The following GLIS3 variants were observed in gnomAD, a reference collection of about 807,000 sequenced individuals.
GLIS3 encodes GLIS family zinc finger 3, also known as zinc finger protein GLIS3.
Under a neutral mutation model 78.6 loss-of-function variants are expected in GLIS3, and 53 were observed. The ratio of observed to expected loss-of-function variants is 0.67; its 90% CI spans 0.54 to 0.85. The LOEUF (loss-of-function observed/expected upper bound fraction) is 0.85. GLIS3 is among the 40% of genes least tolerant of loss of function. The probability of loss-of-function intolerance (pLI) is 0.00; values close to 1 mark genes in which losing one functional copy is unlikely to be tolerated. For missense variants in GLIS3, 1,703 were observed against 1,231.1 expected, an observed-to-expected ratio of 1.38 and a Z score of -5.74; for synonymous variants, 684 against 509.9, an observed-to-expected ratio of 1.34 and a Z score of -4.60.
chr9:3,828,026 C>T lies in GLIS3; in HGVS notation c.*246G>A, dbSNP rs1817817499. 3.7e-6 allele frequency: 2 copies of T among 542,922 alleles called. No individual in the cohort carries two copies. Among genetic ancestry groups the T allele is most frequent in the Non-Finnish European group, 6.6e-6 (2 of 302,478 alleles). The allele number at this position is 542,922 out of a possible 1,614,324, so 33.6% of individuals were successfully genotyped here. A position where few individuals can be genotyped will look rare whatever the true frequency, so the allele number is the denominator to read the frequency against. On this transcript the variant is annotated 3_prime_UTR_variant, in exon 11 of 11. Transcript: ENST00000381971. ...ATCCAGGAGAGTGAGGCTCTAAATTCCCTTTGAAAAGACAGTCCTCCTGGT... is the reference window on the plus strand; with the variant it reads ...ATCCAGGAGAGTGAGGCTCTAAATTTCCTTTGAAAAGACAGTCCTCCTGGT...
intron 8 of GLIS3, among the ~76,000 whole-genome samples, chr9:3,857,426 C>T (rs1208059039): frequency 1.3e-5 from 2 of 152,102 alleles, no homozygotes; most frequent in Non-Finnish European, 2.9e-5. Context: ...ACATTCTGAA[C>T]CAGAATATTT....
chr9:4,282,540 A>G (rs1200314286), intron 2 of GLIS3, among the ~76,000 whole-genome samples: 1 of 152,060 alleles, frequency 6.6e-6, no homozygotes, highest in Non-Finnish European at 1.5e-5. Context: ...AAACTGAAAC[A>G]TCAGCTCTTC....
At chr9:4,186,258 T>C (rs941514244) in intron 2 of GLIS3, among the ~76,000 whole-genome samples, 6 of 151,830 alleles carry the variant, frequency 4.0e-5, no homozygotes, top group Admixed American at 3.3e-4. Context: ...GTTTGGCCTT[T>C]TGTCCTTGCG....
At chr9:4,338,609 C>A (rs543373540) in intron 2 of GLIS3, among the ~76,000 whole-genome samples, 5 of 152,180 alleles carry the variant, frequency 3.3e-5, no homozygotes, top group African/African-American at 9.7e-5. Context: ...ATCTAAAGGG[C>A]ATGTGACTTG....
chr9:4,255,396 C>A (rs528250173), intron 2 of GLIS3, among the ~76,000 whole-genome samples: 23 of 152,132 alleles, frequency 1.5e-4, no homozygotes, highest in African/African-American at 5.3e-4. Context: ...TAGGTCCACA[C>A]ACAAAAAAAA....
At chr9:4,094,517 T>A (rs1442280606) in intron 4 of GLIS3, among the ~76,000 whole-genome samples, 1 of 152,220 alleles carries the variant, frequency 6.6e-6, no homozygotes. Flanking sequence ...ATTAGTAACA[T>A]TTTACAATCC....
the GLIS3 span, among the ~76,000 whole-genome samples, chr9:4,382,351 G>A: frequency 6.6e-6 from 1 of 152,126 alleles, no homozygotes; most frequent in Non-Finnish European, 1.5e-5. Context: ...AACAGTATGT[G>A]TAGGGAATAA....
chr9:4,328,487 T>C (rs999186765), intron 2 of GLIS3, among the ~76,000 whole-genome samples: 3 of 152,202 alleles, frequency 2.0e-5, no homozygotes, highest in African/African-American at 7.2e-5. Flanking sequence ...ACAGGTAAAA[T>C]GTGGCTCTGC....
chr9:4,109,348 T>G (rs1249986263), intron 4 of GLIS3, among the ~76,000 whole-genome samples: 1 of 152,224 alleles, frequency 6.6e-6, no homozygotes, highest in Non-Finnish European at 1.5e-5. Context: ...TCTTAATCAT[T>G]CTACATAACT....
chr9:4,458,822 G>C, the GLIS3 span, among the ~76,000 whole-genome samples: 5 of 152,128 alleles, frequency 3.3e-5, no homozygotes, highest in African/African-American at 1.2e-4. Flanking sequence ...AAATGTCTGG[G>C]AGGAAGTAAT....
the GLIS3 span, among the ~76,000 whole-genome samples, chr9:4,422,021 T>C: frequency 6.6e-6 from 1 of 152,214 alleles, no homozygotes; most frequent in African/African-American, 2.4e-5. Context: ...TGTGCCTCTG[T>C]CACCAATAGA....
chr9:4,209,821 C>CA (rs1167878265), intron 2 of GLIS3, among the ~76,000 whole-genome samples: 1 of 149,764 alleles, frequency 6.7e-6, no homozygotes, highest in African/African-American at 2.4e-5. Context: ...TCCCGCCCCC[C>CA]CCCAGTTGTG....
intron 4 of GLIS3, among the ~76,000 whole-genome samples, chr9:4,096,858 A>G (rs1017432567): frequency 6.6e-6 from 1 of 152,160 alleles, no homozygotes; most frequent in African/African-American, 2.4e-5. Context: ...CTAAAAATAC[A>G]GAAATTAACC....
At chr9:3,932,211 CT>C (rs1340460609) in intron 6 of GLIS3, 148 bp downstream of exon 6, 2 of 655,168 alleles carry the variant, frequency 3.1e-6, no homozygotes, top group East Asian at 5.8e-5. Context: ...CTTGCTATTA[CT>C]TCATGGGAGA....
At chr9:4,039,146 G>C (rs1283052630) in intron 4 of GLIS3, among the ~76,000 whole-genome samples, 1 of 152,098 alleles carries the variant, frequency 6.6e-6, no homozygotes, top group Non-Finnish European at 1.5e-5. Context: ...TTCACACCTA[G>C]GGTGGTTCCA....
intron 2 of GLIS3, among the ~76,000 whole-genome samples, chr9:4,321,795 A>C (rs1348046061): frequency 2.6e-5 from 4 of 151,556 alleles, no homozygotes; most frequent in Non-Finnish European, 5.9e-5. Flanking sequence ...CACAGCCTCC[A>C]CCTCCCGGAT....
In GLIS3 at chr9:3,884,939, A is replaced by C. The variant is rs539042662; in HGVS notation, c.2129-5344T>G. ...TGTTTGCAAAGGCTGCTTGTTGCCAATAGCCACTAATCCCCCACCACAAAC... is the reference window on the plus strand; with the variant it reads ...TGTTTGCAAAGGCTGCTTGTTGCCACTAGCCACTAATCCCCCACCACAAAC... On this transcript the variant is annotated intron_variant, in intron 7 of 10. Transcript: ENST00000381971. Among the ~76,000 whole-genome samples, 3 of 152,296 alleles carry C rather than the reference A, an allele frequency of 2.0e-5. No homozygotes were observed. The South Asian group carries it at 6.2e-4, about 32-fold the overall frequency.
At chr9:3,891,982 C>T (rs1262849892) in intron 7 of GLIS3, among the ~76,000 whole-genome samples, 2 of 152,124 alleles carry the variant, frequency 1.3e-5, no homozygotes, top group Non-Finnish European at 2.9e-5. Flanking sequence ...TTTCTGCAGC[C>T]ACTCACTCCT....
At chr9:3,882,190 T>G (rs1483570121) in intron 7 of GLIS3, among the ~76,000 whole-genome samples, 1 of 151,538 alleles carries the variant, frequency 6.6e-6, no homozygotes, top group African/African-American at 2.4e-5. Flanking sequence ...CAGTTCATGT[T>G]CATTGAGTAA....
Sources: allele counts gnomAD v4.1 joint callset (sites outside exome capture counted in the v4.1 genomes callset), GRCh38; gene constraint gnomAD v4.1.1; transcripts MANE v1.5; gene names NCBI Gene and HGNC (gene_info 2026-07-23, HGNC 2026-07-21).